Variants in KIAA1217 observed in about 807,000 individuals in gnomAD.
The protein encoded by KIAA1217 is sickle tail protein homolog.
Under a neutral mutation model 163.9 loss-of-function variants are expected in KIAA1217, and 88 were observed. That is an observed-to-expected ratio of 0.54 (90% CI 0.45 to 0.64). KIAA1217 has a LOEUF of 0.64. Ranked by LOEUF, KIAA1217 falls within the 30% of genes least tolerant of loss-of-function variation. KIAA1217 has a pLI of 0.00. For missense variants in KIAA1217, 2,372 were observed against 2,475.0 expected (o/e 0.96, Z 0.88); for synonymous variants, 903 against 923.1 (o/e 0.98, Z 0.39).
intron 2 of KIAA1217, among the ~76,000 whole-genome samples, chr10:24,375,882 A>G (rs144490787): frequency 7.0e-4 from 107 of 152,336 alleles, no homozygotes; most frequent in Middle Eastern, 6.8e-3. Flanking sequence ...GTAAAGCTAC[A>G]TTTGCAGGTT....
chr10:24,478,568 A>G (rs2064294000), intron 6 of KIAA1217, among the ~76,000 whole-genome samples: 1 of 152,198 alleles, frequency 6.6e-6, no homozygotes, highest in South Asian at 2.1e-4. Context: ...TCTAGAAAAG[A>G]AAGCAATCTT....
intron 2 of KIAA1217, among the ~76,000 whole-genome samples, chr10:24,369,995 G>A (rs1165128121): frequency 1.3e-5 from 2 of 152,226 alleles, no homozygotes; most frequent in Admixed American, 1.3e-4. Context: ...GCCGGGCGCG[G>A]CGGCTCACGC....
chr10:23,975,190 C>A (rs1353596919), intron 1 of KIAA1217, among the ~76,000 whole-genome samples: 1 of 152,154 alleles, frequency 6.6e-6, no homozygotes, highest in African/African-American at 2.4e-5. Flanking sequence ...GCCCCAGAGG[C>A]AGATACTATT....
intron 2 of KIAA1217, among the ~76,000 whole-genome samples, chr10:24,319,417 G>A (rs553458288): frequency 3.6e-4 from 54 of 149,250 alleles, no homozygotes; most frequent in Middle Eastern, 3.5e-3. Context: ...GCAGGGGATG[G>A]CTTTGGAAAG....
At chr10:23,756,129 T>A (rs1297056535) in intron 1 of KIAA1217, among the ~76,000 whole-genome samples, 1 of 121,410 alleles carries the variant, frequency 8.2e-6, no homozygotes, top group African/African-American at 3.4e-5. Flanking sequence ...GCTAATTTTC[T>A]TTTTTTTTTT....
intron 2 of KIAA1217, among the ~76,000 whole-genome samples, chr10:24,380,139 C>G (rs919167856): frequency 6.6e-6 from 1 of 152,008 alleles, no homozygotes; most frequent in Non-Finnish European, 1.5e-5. Context: ...TCTGAAGGAC[C>G]AGTTGTGTTC....
chr10:24,300,741 A>G (rs2041219824), intron 2 of KIAA1217, among the ~76,000 whole-genome samples: 1 of 151,622 alleles, frequency 6.6e-6, no homozygotes, highest in Non-Finnish European at 1.5e-5. Context: ...CTAATTTTGT[A>G]TTTTTAGTAG....
intron 2 of KIAA1217, among the ~76,000 whole-genome samples, chr10:24,357,071 G>A (rs145283772): frequency 6.5e-4 from 99 of 152,286 alleles, no homozygotes; most frequent in African/African-American, 2.3e-3. Flanking sequence ...AGATCATTGA[G>A]CCTTACCTCT....
chr10:24,451,328 G>A (rs1459314662), intron 5 of KIAA1217, among the ~76,000 whole-genome samples: 1 of 152,210 alleles, frequency 6.6e-6, no homozygotes, highest in Non-Finnish European at 1.5e-5. Context: ...AGAGCTCTCA[G>A]GAGGGGGACA....
chr10:24,514,675 C>T (rs536716172), intron 10 of KIAA1217, among the ~76,000 whole-genome samples: 1 of 152,262 alleles, frequency 6.6e-6, no homozygotes, highest in South Asian at 2.1e-4. Flanking sequence ...TCTCCAGTTT[C>T]TTCTTTAAAA....
intron 2 of KIAA1217, among the ~76,000 whole-genome samples, chr10:24,170,329 G>C (rs1345298158): frequency 6.6e-6 from 1 of 152,182 alleles, no homozygotes; most frequent in Non-Finnish European, 1.5e-5. Flanking sequence ...GCTGGCCTTT[G>C]TGTTTGATGA....
chr10:24,444,895 C>A lies in KIAA1217; in HGVS notation c.846+6416C>A, dbSNP rs954460258. On this transcript the variant is annotated intron_variant, in intron 5 of 20. Coordinates refer to ENST00000376454, the MANE Select transcript of KIAA1217 (RefSeq NM_019590.5). ...TGTGTTGGCTTCATTCCTGGACTCT[C>A]TTTTTAATTTTCCTACTTTCATCTT... Among the ~76,000 whole-genome samples the A allele has an allele frequency of 9.2e-5, 14 of 152,158 alleles. 1 individual carries two copies. The highest frequency in any genetic ancestry group is 3.1e-4 in the African/African-American group (13 of 41,442).
At chr10:23,911,732 G>T (rs1433637266) in intron 1 of KIAA1217, among the ~76,000 whole-genome samples, 5 of 152,108 alleles carry the variant, frequency 3.3e-5, no homozygotes, top group African/African-American at 1.2e-4. Context: ...GAATGTCTAG[G>T]CATGTAATTT....
chr10:24,187,772 C>T (rs530168413), intron 2 of KIAA1217, among the ~76,000 whole-genome samples: 14 of 152,076 alleles, frequency 9.2e-5, no homozygotes, highest in Non-Finnish European at 1.5e-4. Flanking sequence ...TGCCTATAAT[C>T]CCAGCTACTC....
At chr10:24,111,210 G>A (rs1471211141) in intron 2 of KIAA1217, among the ~76,000 whole-genome samples, 2 of 152,056 alleles carry the variant, frequency 1.3e-5, no homozygotes, top group Admixed American at 1.3e-4. Context: ...ATCTTCCAAA[G>A]GTTGGCTATG....
chr10:23,697,975 T>C (rs1160977814), intron 1 of KIAA1217, among the ~76,000 whole-genome samples: 1 of 152,224 alleles, frequency 6.6e-6, no homozygotes, highest in Non-Finnish European at 1.5e-5. Flanking sequence ...AGTCAAGAGT[T>C]TATAGGCATT....
chr10:24,073,428 C>T (rs1290380006), intron 2 of KIAA1217, among the ~76,000 whole-genome samples: 1 of 152,220 alleles, frequency 6.6e-6, no homozygotes. Context: ...ATAGATGTCC[C>T]GGAACCAGCT....
At chr10:24,038,132 C>G (rs1848475790) in intron 2 of KIAA1217, among the ~76,000 whole-genome samples, 1 of 152,140 alleles carries the variant, frequency 6.6e-6, no homozygotes, top group African/African-American at 2.4e-5. Context: ...ACTTTCTATT[C>G]TTTCTTTGGT....
chr10:24,536,982 TC>T, intron 17 of KIAA1217, 89 bp downstream of exon 17: 1 of 1,465,896 alleles, frequency 6.8e-7, no homozygotes, highest in Non-Finnish European at 9.3e-7. Context: ...TCGACCTTTG[TC>T]CCCTCTGTCT....
Sources: allele counts gnomAD v4.1 joint callset (sites outside exome capture counted in the v4.1 genomes callset), GRCh38; gene constraint gnomAD v4.1.1; transcripts MANE v1.5; gene names NCBI Gene and HGNC (gene_info 2026-07-23, HGNC 2026-07-21).